Variants in CYRIB observed in about 807,000 individuals in gnomAD.
The protein encoded by CYRIB is CYFIP-related Rac1 interactor B.
CYRIB carries 8 observed loss-of-function variants against 44.2 expected under a neutral mutation model. That is an observed-to-expected ratio of 0.18 (90% CI 0.11 to 0.33). CYRIB has a LOEUF of 0.33. Ranked by LOEUF, CYRIB falls within the 10% of genes least tolerant of loss-of-function variation. CYRIB has a pLI of 1.00. For missense variants in CYRIB, 185 were observed against 382.8 expected (o/e 0.48, Z 4.31); for synonymous variants, 131 against 127.2 (o/e 1.03, Z -0.20).
chr8:129,854,844 A>G (rs890166096), intron 6 of CYRIB, among the ~76,000 whole-genome samples: 1 of 152,182 alleles, frequency 6.6e-6, no homozygotes, highest in Non-Finnish European at 1.5e-5. Context: ...TTACTGTGGC[A>G]GAGTATAAAC....
Position 129,958,225 on chromosome 8 carries a change from G to A in CYRIB, c.-243+12718C>T, listed in dbSNP as rs182075012. Among the ~76,000 whole-genome samples, 376 of 152,260 alleles carry A rather than the reference G, an allele frequency of 2.5e-3. 2 individuals carry two copies. Among genetic ancestry groups the A allele is most frequent in the African/African-American group, 8.9e-3 (370 of 41,546 alleles). On this transcript the variant is annotated intron_variant, in intron 2 of 14. Coordinates refer to the CYRIB transcript ENST00000401979. ...GCTGGGGTGGAATGGAAGTAGGTGA[G>A]GTTGGGGGACCTATGAAGAAAAAAG...
At chr8:129,939,265 G>A (rs894750023) in intron 1 of CYRIB, among the ~76,000 whole-genome samples, 1 of 151,678 alleles carries the variant, frequency 6.6e-6, no homozygotes. Context: ...ACGCCGACAC[G>A]GGAAGGGACG....
At chr8:129,865,774 T>C (rs1032729452) in intron 4 of CYRIB, among the ~76,000 whole-genome samples, 1 of 152,228 alleles carries the variant, frequency 6.6e-6, no homozygotes, top group Admixed American at 6.5e-5. Flanking sequence ...CTGAATGTTA[T>C]ATAAATATGA....
chr8:130,003,214 T>C (rs765030160), intron 1 of CYRIB, among the ~76,000 whole-genome samples: 14 of 152,194 alleles, frequency 9.2e-5, no homozygotes, highest in Non-Finnish European at 1.8e-4. Flanking sequence ...TGAGACCCTG[T>C]CTTAACAACA....
intron 2 of CYRIB, among the ~76,000 whole-genome samples, chr8:129,955,762 C>A (rs2094790687): frequency 6.6e-6 from 1 of 152,122 alleles, no homozygotes; most frequent in Non-Finnish European, 1.5e-5. Flanking sequence ...GATGGATGAA[C>A]CAACAAACCC....
intron 1 of CYRIB, among the ~76,000 whole-genome samples, chr8:129,983,923 A>C (rs1591746613): frequency 6.6e-6 from 1 of 152,242 alleles, no homozygotes; most frequent in Non-Finnish European, 1.5e-5. Context: ...CATTGGCAGG[A>C]ACCGGCAGCA....
intron 4 of CYRIB, among the ~76,000 whole-genome samples, chr8:129,867,645 GATA>G (rs1263051917): frequency 2.0e-5 from 3 of 151,818 alleles, no homozygotes; most frequent in African/African-American, 7.3e-5. Context: ...TTAGTACAGT[GATA>G]ATAAGAAAAC....
chr8:129,962,994 C>T (rs186974786), intron 2 of CYRIB, among the ~76,000 whole-genome samples: 29 of 152,306 alleles, frequency 1.9e-4, no homozygotes, highest in Non-Finnish European at 3.1e-4. Flanking sequence ...CAGAGCGTCG[C>T]ATTTGCCTGC....
intron 2 of CYRIB, among the ~76,000 whole-genome samples, chr8:129,900,689 G>GT (rs149891142): frequency 2.0e-4 from 30 of 152,044 alleles, no homozygotes; most frequent in Middle Eastern, 3.4e-3. Context: ...TTGGGAGGGT[G>GT]TTTTTTTTGA....
intron 1 of CYRIB, among the ~76,000 whole-genome samples, chr8:129,910,628 T>C (rs1188071171): frequency 1.3e-5 from 2 of 151,890 alleles, no homozygotes; most frequent in East Asian, 1.9e-4. Context: ...CAAGACCATA[T>C]ACACACAAAA....
chr8:129,866,874 C>A (rs2053925626), intron 4 of CYRIB, among the ~76,000 whole-genome samples: 1 of 152,220 alleles, frequency 6.6e-6, no homozygotes, highest in African/African-American at 2.4e-5. Context: ...TGTCCTCTCA[C>A]AATAATTTAC....
At chr8:129,850,843 C>T in exon 9 of CYRIB, 1 of 1,611,526 alleles carries the variant, frequency 6.2e-7, no homozygotes, top group Non-Finnish European at 8.5e-7. Context: ...ACGGTGTTTC[C>T]AGCATGACTC....
chr8:129,897,869 G>C (rs951910308), intron 2 of CYRIB, among the ~76,000 whole-genome samples: 1 of 151,984 alleles, frequency 6.6e-6, no homozygotes, highest in Non-Finnish European at 1.5e-5. Flanking sequence ...GGGTTCAAGT[G>C]ATTCTCCTGC....
chr8:129,985,844 G>C (rs2096436162), intron 1 of CYRIB, among the ~76,000 whole-genome samples: 1 of 152,210 alleles, frequency 6.6e-6, no homozygotes, highest in Non-Finnish European at 1.5e-5. Flanking sequence ...CTGAGGGTGA[G>C]CAGGTGTTGG....
chr8:130,009,942 C>T (rs554290946), intron 1 of CYRIB, among the ~76,000 whole-genome samples: 3 of 152,298 alleles, frequency 2.0e-5, no homozygotes, highest in South Asian at 2.1e-4. Flanking sequence ...GAGCTTAAAG[C>T]GGCCAGACAG....
At chr8:129,928,716 A>T (rs1672778746) in intron 1 of CYRIB, among the ~76,000 whole-genome samples, 1 of 152,112 alleles carries the variant, frequency 6.6e-6, no homozygotes, top group Non-Finnish European at 1.5e-5. Flanking sequence ...AAAGATGCTC[A>T]ACATCATTAG....
At chr8:129,969,832 A>G (rs766469510) in intron 2 of CYRIB, among the ~76,000 whole-genome samples, 8 of 152,238 alleles carry the variant, frequency 5.3e-5, no homozygotes, top group Non-Finnish European at 8.8e-5. Flanking sequence ...AACAGACGGA[A>G]TAGCAGATCC....
intron 1 of CYRIB, among the ~76,000 whole-genome samples, chr8:129,910,939 T>C (rs2077677525): frequency 1.3e-5 from 2 of 152,238 alleles, no homozygotes; most frequent in Non-Finnish European, 2.9e-5. Flanking sequence ...ATTATAGGCA[T>C]GAGCCACCTT....
chr8:129,845,407 T>TA (rs1019872540), intron 11 of CYRIB, among the ~76,000 whole-genome samples: 2 of 152,204 alleles, frequency 1.3e-5, no homozygotes, highest in African/African-American at 4.8e-5. Flanking sequence ...ATGATATCAT[T>TA]AAATATTGGC....
Sources: allele counts gnomAD v4.1 joint callset (sites outside exome capture counted in the v4.1 genomes callset), GRCh38; gene constraint gnomAD v4.1.1; transcripts MANE v1.5; gene names NCBI Gene and HGNC (gene_info 2026-07-23, HGNC 2026-07-21).